The following CPHXL variants were observed in gnomAD, a reference collection of about 807,000 sequenced individuals.
CPHXL encodes the protein cytoplasmic polyadenylated homeobox like.
chr16:75,716,080 ACTTCTTGACCAT>A (rs1959386981), intron 2 of CPHXL, among the ~76,000 whole-genome samples: 2 of 152,034 alleles, frequency 1.3e-5, no homozygotes, highest in African/African-American at 4.8e-5. Flanking sequence ...TGTTTGAATA[ACTTCTTGACCAT>A]CTATTTGTTG....
intron 2 of CPHXL, among the ~76,000 whole-genome samples, chr16:75,715,773 T>C (rs2050693054): frequency 6.6e-6 from 1 of 152,076 alleles, no homozygotes; most frequent in Non-Finnish European, 1.5e-5. Context: ...CTCAGCTCAC[T>C]GCAACCTCCG....
intron 1 of CPHXL, 61 bp from the exon 2 acceptor site, chr16:75,718,519 G>C: frequency 2.5e-6 from 1 of 397,716 alleles, no homozygotes; most frequent in Non-Finnish European, 4.4e-6. Context: ...CCAGACCAAA[G>C]AAGAGTTCCC....
rs1959372464 is a variant in CPHXL at position 75,715,148 on chromosome 16, A to G, written c.294T>C (p.His98=). 3 of 399,030 alleles carry G rather than the reference A, an allele frequency of 7.5e-6. No individual in the cohort carries two copies. The highest frequency in any genetic ancestry group is 1.3e-5 in the Non-Finnish European group (3 of 226,196). The allele number at this position is 399,030 out of a possible 1,614,324, so 24.7% of individuals were successfully genotyped here. A position where few individuals can be genotyped will look rare whatever the true frequency, so the allele number is the denominator to read the frequency against. Residue 98 remains histidine, a synonymous_variant, in exon 3 of 3, where the codon CAT becomes CAC. Transcript: ENST00000640559. ...RRRIFVLQKK[H]DFPVQAHSFL... ...ATGAATGGGCTTGGACTGGAAAATCATGCTTTTTCTGAAGAACAAATATTC... is the reference window on the plus strand; with the variant it reads ...ATGAATGGGCTTGGACTGGAAAATCGTGCTTTTTCTGAAGAACAAATATTC...
At chr16:75,723,844 TCAAA>T (rs1959514250) in intron 1 of CPHXL, among the ~76,000 whole-genome samples, 1 of 152,158 alleles carries the variant, frequency 6.6e-6, no homozygotes, top group Non-Finnish European at 1.5e-5. Context: ...CTACCTGACT[TCAAA>T]CTATACTACA....
In CPHXL at chr16:75,714,695, T is replaced by A; in HGVS notation, c.747A>T (p.Ala249=). The change falls in exon 3 of 3, where the codon GCA becomes GCT. Residue 249 remains alanine (A), a synonymous_variant. Transcript: ENST00000640559. The stretch of plus-strand genomic sequence containing the variant: ...AAGATGGGGGAGGATGAAGGCATTC[T>A]GCAGAGTTGTAGCTGAGAAAATGAT... The part of the protein sequence containing the change: ...TAYHFLSYNS[A]ECLHPPPSSV... 1 of 398,672 alleles carries A rather than the reference T, an allele frequency of 2.5e-6. No individual in the cohort carries two copies. Among genetic ancestry groups the A allele is most frequent in the Non-Finnish European group, 4.4e-6 (1 of 226,084 alleles). 24.7% of individuals were successfully genotyped at this position (398,672 alleles called of 1,614,324 possible). A position where few individuals can be genotyped will look rare whatever the true frequency, so the allele number is the denominator to read the frequency against.
intron 2 of CPHXL, 34 bp downstream of exon 2, chr16:75,718,228 AAAT>A: frequency 2.5e-6 from 1 of 398,520 alleles, no homozygotes; most frequent in African/African-American, 2.1e-5. Context: ...AAAAAAAAAA[AAAT>A]CTAGGAAATA....
chr16:75,719,194 G>T lies in CPHXL; in HGVS notation c.26-736C>A, dbSNP rs377392560. ...AGCGTGAGCAACACAGAAGACAGGT[G>T]ATTTCTCCATTTCCAACTGAGGTAC... is the stretch of plus-strand genomic sequence containing the variant. On this transcript the variant is annotated intron_variant, in intron 1 of 2. Coordinates refer to ENST00000640559, the MANE Select transcript of CPHXL (RefSeq NM_001355613.1). 4.6e-5 allele frequency among the ~76,000 whole-genome samples: 7 copies of T among 152,350 alleles called. No individual in the cohort carries two copies. The East Asian group carries it at 5.8e-4, about 13-fold the overall frequency.
chr16:75,725,628 A>G (rs1252969653), intron 1 of CPHXL, among the ~76,000 whole-genome samples: 1 of 151,082 alleles, frequency 6.6e-6, no homozygotes, highest in Non-Finnish European at 1.5e-5. Flanking sequence ...AATTTTTTGT[A>G]TTTTTAGTAG....
At chr16:75,716,647 G>A (rs1321904597) in intron 2 of CPHXL, among the ~76,000 whole-genome samples, 3 of 152,056 alleles carry the variant, frequency 2.0e-5, no homozygotes, top group Non-Finnish European at 4.4e-5. Context: ...TTTTCTGGAG[G>A]CTTTATTGTA....
rs116008399 is a variant in CPHXL, at chr16:75,718,364, C to A, written c.120G>T (p.Leu40=). 6.6e-3 allele frequency: 2,648 copies of A among 398,728 alleles called. 69 individuals are homozygous for A. Among genetic ancestry groups the A allele is most frequent in the African/African-American group, 0.048 (2,315 of 48,710 alleles). The allele number at this position is 398,728 out of a possible 1,614,324, so 24.7% of individuals were successfully genotyped here. ...KHRHKFSEEL[L]QELKEIFGEN... The stretch of plus-strand genomic sequence containing the variant: ...CTCCAAATATTTCCTTAAGTTCCTG[C>A]AGTAATTCTTCAGAAAATTTATGTC... The change falls in exon 2 of 3, where the codon CTG becomes CTT. Residue 40 remains leucine (L), a synonymous_variant. Coordinates refer to ENST00000640559, the MANE Select transcript of CPHXL (RefSeq NM_001355613.1).
intron 1 of CPHXL, among the ~76,000 whole-genome samples, chr16:75,722,039 A>C (rs1422633717): frequency 1.3e-5 from 2 of 152,250 alleles, no homozygotes; most frequent in Non-Finnish European, 2.9e-5. Context: ...AGAAACAAAG[A>C]TGTTCTTTGA....
intron 2 of CPHXL, among the ~76,000 whole-genome samples, chr16:75,717,300 A>G (rs1959405945): frequency 6.6e-6 from 1 of 152,174 alleles, no homozygotes; most frequent in Admixed American, 6.5e-5. Flanking sequence ...AGTACATAAT[A>G]CTATTTTCTT....
At chr16:75,725,375 G>A (rs886748516) in intron 1 of CPHXL, among the ~76,000 whole-genome samples, 2 of 151,932 alleles carry the variant, frequency 1.3e-5, no homozygotes, top group African/African-American at 2.4e-5. Flanking sequence ...TGCAATCTCC[G>A]CCTACTGGGT....
At position 75,715,883 on chromosome 16, in the gene CPHXL, A is replaced by G. The variant is rs535404590; in HGVS notation, c.220-661T>C. Among the ~76,000 whole-genome samples, 23 of 152,048 alleles carry G rather than the reference A, an allele frequency of 1.5e-4. No homozygotes were observed. The South Asian group carries it at 4.8e-3, about 32-fold the overall frequency. On this transcript the variant is annotated intron_variant, in intron 2 of 2. Transcript: ENST00000640559. Reference sequence around the variant, plus strand: ...CTAATTTTTTTTGTATTTTTAGTAGAGACGGGGTTTCGCTATGTTGGCCAG... The same window carrying G: ...CTAATTTTTTTTGTATTTTTAGTAGGGACGGGGTTTCGCTATGTTGGCCAG...
intron 1 of CPHXL, among the ~76,000 whole-genome samples, chr16:75,721,170 G>A (rs1321505810): frequency 6.6e-6 from 1 of 152,130 alleles, no homozygotes; most frequent in African/African-American, 2.4e-5. Context: ...TAAGACCATC[G>A]AGGCTAGGAA....
chr16:75,719,571 T>G (rs1248639033), intron 1 of CPHXL, among the ~76,000 whole-genome samples: 1 of 152,138 alleles, frequency 6.6e-6, no homozygotes, highest in African/African-American at 2.4e-5. Context: ...CGCCTGTCAT[T>G]ACCCAGGCTT....
chr16:75,719,392 G>C (rs1369379427), intron 1 of CPHXL, among the ~76,000 whole-genome samples: 1 of 152,138 alleles, frequency 6.6e-6, no homozygotes, highest in African/African-American at 2.4e-5. Context: ...GGAAAATCAG[G>C]TCACTCCCAC....
chr16:75,721,719 C>T (rs1430942478), intron 1 of CPHXL, among the ~76,000 whole-genome samples: 3 of 152,124 alleles, frequency 2.0e-5, no homozygotes, highest in Non-Finnish European at 4.4e-5. Context: ...ACAAGGATAT[C>T]CAAGAATTGA....
chr16:75,717,052 C>T (rs1051770498), intron 2 of CPHXL, among the ~76,000 whole-genome samples: 6 of 152,216 alleles, frequency 3.9e-5, no homozygotes, highest in Admixed American at 6.5e-5. Flanking sequence ...TTAAGTCAAA[C>T]GTCCAAGTAA....
Sources: allele counts gnomAD v4.1 joint callset (sites outside exome capture counted in the v4.1 genomes callset), GRCh38; gene constraint gnomAD v4.1.1; transcripts MANE v1.5; gene names NCBI Gene and HGNC (gene_info 2026-07-23, HGNC 2026-07-21).